EEFSEC: variants seen among roughly 807,000 people sequenced by gnomAD.
The protein encoded by EEFSEC is selenocysteine-specific elongation factor.
A neutral mutation model predicts 42.1 loss-of-function variants in EEFSEC; 43 were observed. The observed-to-expected ratio is 1.02, with a 90% CI of 0.80 to 1.32. The LOEUF (loss-of-function observed/expected upper bound fraction) is 1.32. EEFSEC is among the 40% of genes most tolerant of loss of function. The pLI, the probability that EEFSEC is intolerant of heterozygous loss-of-function variation, is 0.00. For synonymous variants in EEFSEC, 354 were observed against 339.1 expected (o/e 1.04, Z -0.48); for missense variants, 745 against 803.6 (o/e 0.93, Z 0.88).
chr3:128,266,290 G>C (rs1576592386), intron 4 of EEFSEC, among the ~76,000 whole-genome samples: 1 of 152,172 alleles, frequency 6.6e-6, no homozygotes, highest in Non-Finnish European at 1.5e-5. Flanking sequence ...CACCCGCTGG[G>C]TGAGAGGGCC....
intron 6 of EEFSEC, among the ~76,000 whole-genome samples, chr3:128,393,556 C>T (rs1189902334): frequency 1.3e-5 from 2 of 152,220 alleles, no homozygotes; most frequent in East Asian, 1.9e-4. Flanking sequence ...CGGGGGGCAG[C>T]ATATCCCAGG....
At chr3:128,318,657 G>T (rs2066974374) in intron 4 of EEFSEC, among the ~76,000 whole-genome samples, 1 of 152,226 alleles carries the variant, frequency 6.6e-6, no homozygotes, top group African/African-American at 2.4e-5. Context: ...GTTGCAAGCA[G>T]CTCCCTTTGT....
At chr3:128,301,899 C>T (rs112399497) in intron 4 of EEFSEC, among the ~76,000 whole-genome samples, 31 of 152,280 alleles carry the variant, frequency 2.0e-4, no homozygotes, top group African/African-American at 6.5e-4. Context: ...CACTGGGAAG[C>T]TGGCAGGCAG....
intron 1 of EEFSEC, 129 bp downstream of exon 1, chr3:128,153,952 C>CT: frequency 7.5e-7 from 1 of 1,327,370 alleles, no homozygotes; most frequent in Non-Finnish European, 9.8e-7. Flanking sequence ...GCTCCTGACG[C>CT]CCCAAGAGGC....
chr3:128,352,981 C>T (rs2067406710), intron 5 of EEFSEC, among the ~76,000 whole-genome samples: 1 of 152,170 alleles, frequency 6.6e-6, no homozygotes, highest in Admixed American at 6.5e-5. Flanking sequence ...CTCCAGTGTG[C>T]CCATTTTTTT....
At chr3:128,295,640 T>G (rs1576616337) in intron 4 of EEFSEC, among the ~76,000 whole-genome samples, 1 of 146,234 alleles carries the variant, frequency 6.8e-6, no homozygotes, top group African/African-American at 2.5e-5. Context: ...GGAACTGTGG[T>G]GAGAAGATGG....
intron 4 of EEFSEC, among the ~76,000 whole-genome samples, chr3:128,302,224 C>G (rs2066777019): frequency 6.6e-6 from 1 of 152,034 alleles, no homozygotes. Flanking sequence ...TACGCCTGTT[C>G]CTTTTGTGGT....
chr3:128,237,635 T>A (rs1254634308), intron 1 of EEFSEC, among the ~76,000 whole-genome samples: 1 of 152,242 alleles, frequency 6.6e-6, no homozygotes, highest in Non-Finnish European at 1.5e-5. Flanking sequence ...TGTTTTGCCA[T>A]GAGTCTCTAG....
At chr3:128,168,012 C>G (rs955313609) in intron 1 of EEFSEC, among the ~76,000 whole-genome samples, 5 of 152,184 alleles carry the variant, frequency 3.3e-5, no homozygotes, top group Non-Finnish European at 7.3e-5. Flanking sequence ...CCAGTCGTCC[C>G]TGCTGGGGCT....
intron 6 of EEFSEC, among the ~76,000 whole-genome samples, chr3:128,378,245 G>A (rs2067732463): frequency 6.6e-6 from 1 of 152,180 alleles, no homozygotes; most frequent in Non-Finnish European, 1.5e-5. Context: ...TGCCCTTTGT[G>A]ACTGGCCCCA....
In EEFSEC at chr3:128,358,211, G is replaced by A. The variant is rs748518299; in HGVS notation, c.1444-6G>A. 2.4e-5 allele frequency: 38 copies of A among 1,613,332 alleles called. No homozygotes were observed. The highest frequency in any genetic ancestry group is 7.6e-6 in the Non-Finnish European group (9 of 1,179,560). On this transcript the variant is annotated splice_region_variant and splice_polypyrimidine_tract_variant and intron_variant, in intron 5 of 6. Transcript: ENST00000254730. ...CCTCTCTCTGTGGCTGGGTGTGTGGGGACAGGCGATGGATGACTACAGTGT... is the reference window on the plus strand; with the variant it reads ...CCTCTCTCTGTGGCTGGGTGTGTGGAGACAGGCGATGGATGACTACAGTGT...
chr3:128,203,027 A>G (rs1249016135), intron 1 of EEFSEC, among the ~76,000 whole-genome samples: 1 of 152,176 alleles, frequency 6.6e-6, no homozygotes, highest in African/African-American at 2.4e-5. Context: ...GCCTCACCCA[A>G]TATATTTTTT....
chr3:128,419,784 C>G, the EEFSEC span, among the ~76,000 whole-genome samples: 1 of 152,190 alleles, frequency 6.6e-6, no homozygotes, highest in Admixed American at 6.5e-5. Flanking sequence ...AAAGACTAGC[C>G]CTGTGTGGTG....
At chr3:128,211,848 C>CTTTTTTTTTTT (rs34885945) in intron 1 of EEFSEC, among the ~76,000 whole-genome samples, 177 of 51,720 alleles carry the variant, frequency 3.4e-3, no homozygotes, top group African/African-American at 4.1e-3. Flanking sequence ...TTTTTCTTTT[C>CTTTTTTTTTTT]TTTTTTTTTT....
chr3:128,209,779 G>A (rs1003000987), intron 1 of EEFSEC, among the ~76,000 whole-genome samples: 7 of 152,174 alleles, frequency 4.6e-5, no homozygotes, highest in African/African-American at 1.4e-4. Context: ...GCTATGATTC[G>A]CTTTTGTTAT....
At chr3:128,399,261 G>A (rs543900259) in intron 6 of EEFSEC, among the ~76,000 whole-genome samples, 8 of 152,094 alleles carry the variant, frequency 5.3e-5, no homozygotes, top group Non-Finnish European at 1.2e-4. Context: ...ATTCATCATT[G>A]CTGCTAAGAA....
At chr3:128,355,982 A>G (rs2067448550) in intron 5 of EEFSEC, among the ~76,000 whole-genome samples, 2 of 152,228 alleles carry the variant, frequency 1.3e-5, no homozygotes, top group Admixed American at 6.5e-5. Context: ...GCTCAGGGCC[A>G]GGCCCTGCTG....
chr3:128,159,154 G>T (rs1944433590), intron 1 of EEFSEC, among the ~76,000 whole-genome samples: 1 of 152,226 alleles, frequency 6.6e-6, no homozygotes, highest in Non-Finnish European at 1.5e-5. Context: ...GCCTGCTCGG[G>T]CCCAGGCCTG....
intron 2 of EEFSEC, among the ~76,000 whole-genome samples, chr3:128,252,980 C>T (rs2066203275): frequency 6.6e-6 from 1 of 152,176 alleles, no homozygotes; most frequent in African/African-American, 2.4e-5. Context: ...AATCCAGTGG[C>T]TGCTAAACTC....
Sources: allele counts gnomAD v4.1 joint callset (sites outside exome capture counted in the v4.1 genomes callset), GRCh38; gene constraint gnomAD v4.1.1; transcripts MANE v1.5; gene names NCBI Gene and HGNC (gene_info 2026-07-23, HGNC 2026-07-21).